SND1: variants seen among roughly 807,000 people sequenced by gnomAD.
SND1 encodes the protein staphylococcal nuclease domain-containing protein 1.
A neutral mutation model predicts 121.7 loss-of-function variants in SND1; 38 were observed. That is an observed-to-expected ratio of 0.31 (90% confidence interval 0.24 to 0.41). The LOEUF (loss-of-function observed/expected upper bound fraction) is 0.41, where lower values mean the gene tolerates loss of function less well. Among genes scored for constraint, SND1 ranks in the 10% least tolerant of loss-of-function variants. The pLI, the probability that SND1 is intolerant of heterozygous loss-of-function variation, is 1.00. For synonymous variants in SND1, 401 were observed against 447.4 expected (o/e 0.90, Z 1.31); for missense variants, 868 against 1,184.6 (o/e 0.73, Z 3.92).
chr7:127,886,849 CAA>C (rs11413396), intron 12 of SND1, among the ~76,000 whole-genome samples: 5 of 118,388 alleles, frequency 4.2e-5, no homozygotes, highest in Admixed American at 1.8e-4. Flanking sequence ...CTTATTCTGG[CAA>C]AAAAAAAAAA....
chr7:127,899,882 C>T (rs905662138), intron 13 of SND1, among the ~76,000 whole-genome samples: 1 of 152,052 alleles, frequency 6.6e-6, no homozygotes, highest in African/African-American at 2.4e-5. Flanking sequence ...TGGGGTAAAG[C>T]AAAAGCAGAG....
intron 2 of SND1, among the ~76,000 whole-genome samples, chr7:127,690,848 C>T (rs1163846168): frequency 6.6e-6 from 1 of 152,192 alleles, no homozygotes. Context: ...CATTTGCATC[C>T]CTTTGTATCA....
At chr7:127,999,140 C>T (rs1802754497) in intron 16 of SND1, 1 of 152,210 alleles carries the variant, frequency 6.6e-6, no homozygotes, top group Non-Finnish European at 1.5e-5. Context: ...GCTAGTGTTC[C>T]TATCCCAGGA....
chr7:127,673,813 C>T (rs966660684), intron 1 of SND1, among the ~76,000 whole-genome samples: 3 of 152,110 alleles, frequency 2.0e-5, no homozygotes, highest in Non-Finnish European at 4.4e-5. Context: ...AATGAGAGCT[C>T]TTGTAAGCTG....
intron 1 of SND1, among the ~76,000 whole-genome samples, chr7:127,666,287 C>T (rs1005718467): frequency 3.9e-5 from 6 of 152,198 alleles, no homozygotes; most frequent in African/African-American, 1.2e-4. Context: ...GCTTGGTTTC[C>T]ATTTAATCCT....
At chr7:128,071,977 G>A (rs1167210682) in intron 16 of SND1, among the ~76,000 whole-genome samples, 4 of 152,256 alleles carry the variant, frequency 2.6e-5, no homozygotes, top group Non-Finnish European at 4.4e-5. Flanking sequence ...CTGGTTAAGT[G>A]TGAAGCTGGT....
chr7:127,902,035 G>A (rs1410527732), intron 13 of SND1, among the ~76,000 whole-genome samples: 1 of 152,090 alleles, frequency 6.6e-6, no homozygotes, highest in African/African-American at 2.4e-5. Flanking sequence ...ATTTAGTTGT[G>A]GTTAAGTCCT....
At chr7:127,790,273 A>AG (rs1269649745) in intron 10 of SND1, among the ~76,000 whole-genome samples, 3 of 152,034 alleles carry the variant, frequency 2.0e-5, no homozygotes, top group African/African-American at 7.3e-5. Context: ...CCTCTGGAGG[A>AG]GGGAGTGGTG....
intron 11 of SND1, among the ~76,000 whole-genome samples, chr7:127,824,004 G>C: frequency 6.6e-6 from 1 of 152,242 alleles, no homozygotes; most frequent in East Asian, 1.9e-4. Context: ...AAGGATTTGC[G>C]CTGGTATTAA....
At chr7:128,017,694 G>C (rs1175731481) in intron 16 of SND1, among the ~76,000 whole-genome samples, 1 of 152,226 alleles carries the variant, frequency 6.6e-6, no homozygotes, top group Non-Finnish European at 1.5e-5. Context: ...CTCGGGGAGG[G>C]GGGGCAAACT....
intron 1 of SND1, among the ~76,000 whole-genome samples, chr7:127,668,373 C>T (rs1795456152): frequency 6.6e-6 from 1 of 152,142 alleles, no homozygotes. Context: ...GATTGCCCTG[C>T]CGTATGAACA....
chr7:128,079,543 C>T (rs901234872), intron 17 of SND1, among the ~76,000 whole-genome samples: 1 of 152,228 alleles, frequency 6.6e-6, no homozygotes, highest in African/African-American at 2.4e-5. Flanking sequence ...CCCACAAGCC[C>T]AGCCATAGAA....
Position 127,652,336 on chromosome 7 carries a change from G to T in SND1, c.-38G>T, listed in dbSNP as rs780225077. 30 of 1,553,046 alleles carry T rather than the reference G, an allele frequency of 1.9e-5. No individual in the cohort carries two copies. ...ACACCCACATTGACACCTCCAGTCC[G>T]GCCAGCCGCTCCACTCGTTGCCTTT... On this transcript the variant is annotated 5_prime_UTR_variant, in exon 1 of 24. Transcript: ENST00000354725.
chr7:128,084,797 T>C lies in SND1; in HGVS notation c.2184T>C (p.Tyr728=), dbSNP rs965815156. ...IASHPPVEGS[Y]APRRGEFCIA... ...GTCACCCCCCTGTAGAGGGCTCCTATGCCCCCCGCAGGGGAGAGTTCTGCA... is the reference window on the plus strand; with the variant it reads ...GTCACCCCCCTGTAGAGGGCTCCTACGCCCCCCGCAGGGGAGAGTTCTGCA... The change falls in exon 19 of 24, where the codon TAT becomes TAC. Residue 728 remains tyrosine, a synonymous_variant. Transcript: ENST00000354725. 4.4e-6 allele frequency: 7 copies of C among 1,608,854 alleles called. No homozygotes were observed. The Admixed American group carries it at 1.0e-4, about 23-fold the overall frequency.
intron 12 of SND1, among the ~76,000 whole-genome samples, chr7:127,853,575 AGAG>A (rs1406960926): frequency 2.0e-5 from 3 of 152,132 alleles, no homozygotes; most frequent in Non-Finnish European, 4.4e-5. Flanking sequence ...CTCCTCTAGA[AGAG>A]GAGAAGGCAT....
intron 4 of SND1, among the ~76,000 whole-genome samples, chr7:127,699,735 G>A (rs556486794): frequency 2.6e-5 from 4 of 152,314 alleles, no homozygotes; most frequent in African/African-American, 9.6e-5. Context: ...TCTGAAAAGT[G>A]CTACATCTAT....
chr7:127,685,557 C>G (rs1795797890), intron 1 of SND1, among the ~76,000 whole-genome samples: 1 of 152,164 alleles, frequency 6.6e-6, no homozygotes, highest in Admixed American at 6.5e-5. Context: ...GTCTTCTTCC[C>G]TTCTTTCACT....
intron 10 of SND1, among the ~76,000 whole-genome samples, chr7:127,778,119 T>G (rs932201977): frequency 2.6e-5 from 4 of 152,256 alleles, no homozygotes; most frequent in East Asian, 1.9e-4. Flanking sequence ...CCATCTAGAG[T>G]TTCAAAACCA....
intron 14 of SND1, among the ~76,000 whole-genome samples, chr7:127,919,115 T>C (rs1800647393): frequency 6.6e-6 from 1 of 152,252 alleles, no homozygotes; most frequent in Non-Finnish European, 1.5e-5. Flanking sequence ...TAAGGTTTAT[T>C]GAACCTATAC....
Sources: gnomAD v4.1 joint callset for allele counts (sites outside exome capture counted in the v4.1 genomes callset) on GRCh38, gnomAD v4.1.1 for gene constraint, MANE v1.5 for transcripts, NCBI Gene and HGNC (gene_info 2026-07-23, HGNC 2026-07-21) for gene names.